ACLY: variants seen among roughly 807,000 people sequenced by gnomAD.
The protein encoded by ACLY is ATP-citrate synthase.
ACLY carries 41 observed loss-of-function variants against 133.0 expected under a neutral mutation model. The observed-to-expected ratio is 0.31, with a 90% CI of 0.24 to 0.40. The LOEUF is 0.40. Ranked by LOEUF, ACLY falls within the 10% of genes least tolerant of loss-of-function variation. The pLI is 1.00. For missense variants in ACLY, 1,046 were observed against 1,453.8 expected (o/e 0.72, Z 4.56); for synonymous variants, 495 against 549.3 (o/e 0.90, Z 1.38).
At chr17:41,898,135 G>A (rs1001813827) in intron 12 of ACLY, among the ~76,000 whole-genome samples, 1 of 152,008 alleles carries the variant, frequency 6.6e-6, no homozygotes, top group African/African-American at 2.4e-5. Flanking sequence ...CTTTTGAGAC[G>A]AATTCTCACT....
Position 41,901,792 on chromosome 17 carries a change from C to T in ACLY, c.1087G>A (p.Asp363Asn), listed in dbSNP as rs782417289. 4.4e-6 allele frequency: 7 copies of T among 1,590,222 alleles called. No homozygotes were observed. Among genetic ancestry groups the T allele is most frequent in the Non-Finnish European group, 6.0e-6 (7 of 1,165,814 alleles). ...TGCTCCTTCAGGGGGCCCTGGTAAT[C>T]TCGAATTGCTCTCACGATGCCCTGG... ...TFKGIVRAIR[D>N]YQGPLKEHEV... is the part of the protein sequence containing the mutation. The change falls in exon 11 of 29, where the codon GAT becomes AAT. Residue 363 changes from aspartate (D) to asparagine (N), a missense_variant. By Grantham distance (23) the Asp-to-Asn change is conservative. Coordinates refer to ENST00000352035, the MANE Select transcript of ACLY (RefSeq NM_001096.3).
intron 10 of ACLY, 161 bp downstream of exon 10, chr17:41,904,568 T>G (rs2049653787): frequency 4.7e-6 from 3 of 639,032 alleles, no homozygotes; most frequent in Non-Finnish European, 8.4e-6. Context: ...CCTGTCCCAG[T>G]GTCTTCTCCA....
chr17:41,928,884 T>C (rs2144469533), intron 1 of ACLY, among the ~76,000 whole-genome samples: 1 of 149,600 alleles, frequency 6.7e-6, no homozygotes, highest in Middle Eastern at 3.6e-3. Flanking sequence ...GCTGGAGTTC[T>C]GATTGGAACT....
intron 1 of ACLY, among the ~76,000 whole-genome samples, chr17:41,925,331 T>A (rs1208970521): frequency 2.0e-5 from 3 of 151,720 alleles, no homozygotes; most frequent in African/African-American, 7.3e-5. Context: ...GCATGATGGT[T>A]CATGCCTGTA....
At chr17:41,911,676 G>T (rs746497579) in intron 3 of ACLY, among the ~76,000 whole-genome samples, 30 of 151,908 alleles carry the variant, frequency 2.0e-4, no homozygotes, top group Non-Finnish European at 3.5e-4. Flanking sequence ...AAGCAGCCTG[G>T]ATGGTGGCAT....
chr17:41,897,333 G>C (rs2049397837), intron 13 of ACLY, among the ~76,000 whole-genome samples: 1 of 152,072 alleles, frequency 6.6e-6, no homozygotes, highest in Non-Finnish European at 1.5e-5. Flanking sequence ...CCAAGATGGT[G>C]GGGGTGGCCT....
chr17:41,874,004 G>A, intron 22 of ACLY, 39 bp from the exon 23 acceptor site: 3 of 1,547,532 alleles, frequency 1.9e-6, no homozygotes, highest in Non-Finnish European at 2.6e-6. Flanking sequence ...GGGCCCTGGT[G>A]ACCACCACAG....
upstream of ACLY, among the ~76,000 whole-genome samples, chr17:41,921,893 A>G (rs1247293536): frequency 1.3e-5 from 2 of 152,168 alleles, no homozygotes; most frequent in African/African-American, 2.4e-5. Context: ...TGAGCCCAGG[A>G]GGTCAAAGAC....
At chr17:41,868,973 C>A in intron 27 of ACLY, 70 bp downstream of exon 27, 1 of 1,456,382 alleles carries the variant, frequency 6.9e-7, no homozygotes, top group Admixed American at 1.8e-5. Flanking sequence ...GTATGCATTA[C>A]TTTTATAGTT....
chr17:41,900,069 C>CAAAAAAAAA lies in ACLY; in HGVS notation c.1184-1293_1184-1285dup, dbSNP rs60296550. On this transcript the variant is annotated intron_variant, in intron 11 of 28. Transcript: ENST00000352035. ...GGGTGACAGAGTGAGACCCTGTCTC[C>CAAAAAAAAA]AAAAAAAAAAAAAAAAAAAAAAAAA... Among the ~76,000 whole-genome samples the CAAAAAAAAA allele has an allele frequency of 4.9e-4, 23 of 46,632 alleles. 2 individuals carry two copies. Among genetic ancestry groups the CAAAAAAAAA allele is most frequent in the African/African-American group, 9.9e-4 (15 of 15,190 alleles). 30.6% of individuals were successfully genotyped at this position (46,632 alleles called of 152,430 possible). A position where few individuals can be genotyped will look rare whatever the true frequency, so the allele number is the denominator to read the frequency against.
In ACLY at chr17:41,898,644, C is replaced by T; in HGVS notation, c.1325G>A (p.Ser442Asn). 1 of 1,613,672 alleles carries T rather than the reference C, an allele frequency of 6.2e-7. No individual in the cohort carries two copies. The highest frequency in any genetic ancestry group is 8.5e-7 in the Non-Finnish European group (1 of 1,179,896). Reference protein sequence around the residue: ...AHTANFLLNASGSTSTPAPSR... With the variant: ...AHTANFLLNANGSTSTPAPSR... ...GCTGGAACCTACCGATGTGCTCCCG[C>T]TGGCGTTGAGGAGGAAGTTTGCAGT... is the stretch of plus-strand genomic sequence containing the variant. The change falls in exon 12 of 29, where the codon AGC becomes AAC. Residue 442 changes from serine to asparagine, a missense_variant. This residue lies in a region of ACLY where 575 missense variants were observed against 804.2 expected (regional missense o/e 0.71). Coordinates refer to ENST00000352035, the MANE Select transcript of ACLY (RefSeq NM_001096.3).
At chr17:41,891,969 C>G (rs77946564) in intron 16 of ACLY, among the ~76,000 whole-genome samples, 1 of 152,176 alleles carries the variant, frequency 6.6e-6, no homozygotes, top group Non-Finnish European at 1.5e-5. Flanking sequence ...TTCCAAAGTC[C>G]TAGGATTACA....
chr17:41,869,403 G>T, intron 26 of ACLY, 71 bp downstream of exon 26: 1 of 1,263,088 alleles, frequency 7.9e-7, no homozygotes. Flanking sequence ...TAATCAAAAT[G>T]TAACGTGGCT....
Position 41,867,364 on chromosome 17 carries a change from T to TAAAA in ACLY, c.*442_*445dup, listed in dbSNP as rs71228789. 1 of 138,206 alleles carries TAAAA rather than the reference T, an allele frequency of 7.2e-6. No individual in the cohort carries two copies. The allele number at this position is 138,206 out of a possible 1,614,324, so 8.6% of individuals were successfully genotyped here. ...TTATATAAGGAAGAAGAAAGGGAAG[T>TAAAA]AAAAAAAAAAAAAGAGAGACATTGG... is the stretch of plus-strand genomic sequence containing the variant. On this transcript the variant is annotated 3_prime_UTR_variant, in exon 29 of 29. Transcript: ENST00000352035.
chr17:41,876,355 C>A (rs567113511), intron 22 of ACLY, among the ~76,000 whole-genome samples: 41 of 151,532 alleles, frequency 2.7e-4, no homozygotes, highest in Admixed American at 1.2e-3. Context: ...TCTGCCCGGC[C>A]GCCCCTACTG....
chr17:41,922,852 GC>G (rs578141450), upstream of ACLY, among the ~76,000 whole-genome samples: 529 of 152,270 alleles, frequency 3.5e-3, 6 homozygotes, highest in African/African-American at 0.012. Context: ...TGGCCAGAGG[GC>G]CCATGAGCCA....
rs189951396 is a variant in ACLY, at chr17:41,867,457, A to G, written c.*353T>C. On this transcript the variant is annotated 3_prime_UTR_variant, in exon 29 of 29. Coordinates refer to ENST00000352035, the MANE Select transcript of ACLY (RefSeq NM_001096.3). ...TTCCCTTCCTCCAAAGGAGAAAAAAATGTTTAACTAATGGAAAAAGAAAGC... is the reference window on the plus strand; with the variant it reads ...TTCCCTTCCTCCAAAGGAGAAAAAAGTGTTTAACTAATGGAAAAAGAAAGC... The G allele has an allele frequency of 1.0e-3, 168 of 161,724 alleles. No individual in the cohort carries two copies. Among genetic ancestry groups the G allele is most frequent in the African/African-American group, 3.9e-3 (162 of 41,948 alleles). 10.0% of individuals were successfully genotyped at this position (161,724 alleles called of 1,614,324 possible).
intron 1 of ACLY, among the ~76,000 whole-genome samples, chr17:41,929,562 A>T (rs1395915881): frequency 6.6e-6 from 1 of 152,118 alleles, no homozygotes; most frequent in Non-Finnish European, 1.5e-5. Context: ...CAGAACTTTT[A>T]ATTACTAGTT....
At chr17:41,919,093 G>A, upstream of ACLY, 3 of 1,202,192 alleles carry the variant, frequency 2.5e-6, no homozygotes, top group South Asian at 1.4e-5. Context: ...CCAATTCGCT[G>A]CTGGCTTGGC....
Sources: allele counts gnomAD v4.1 joint callset (sites outside exome capture counted in the v4.1 genomes callset), GRCh38; gene constraint gnomAD v4.1.1; regional missense constraint gnomAD v4.1.1; transcripts MANE v1.5; gene names NCBI Gene and HGNC (gene_info 2026-07-23, HGNC 2026-07-21).